Variants in SLC5A4 observed in about 807,000 individuals in gnomAD.
The protein encoded by SLC5A4 is solute carrier family 5 member 4, also known as probable glucose sensor protein SLC5A4.
Under a neutral mutation model 70.3 loss-of-function variants are expected in SLC5A4, and 55 were observed. The ratio of observed to expected loss-of-function variants is 0.78; its 90% CI spans 0.63 to 0.98. SLC5A4 has a LOEUF of 0.98. SLC5A4 is among the 50% of genes least tolerant of loss of function. The pLI, the probability that SLC5A4 is intolerant of heterozygous loss-of-function variation, is 0.00. For missense variants in SLC5A4, 735 were observed against 839.2 expected, an observed-to-expected ratio of 0.88 and a Z score of 1.53; for synonymous variants, 268 against 305.7, an observed-to-expected ratio of 0.88 and a Z score of 1.29.
chr22:32,307,839 A>G, the SLC5A4 span, among the ~76,000 whole-genome samples: 2 of 152,332 alleles, frequency 1.3e-5, no homozygotes, highest in South Asian at 4.1e-4. Flanking sequence ...GCATGGCCTG[A>G]CTGTCCCAAT....
At chr22:32,267,025 C>G in the SLC5A4 span, among the ~76,000 whole-genome samples, 1 of 152,166 alleles carries the variant, frequency 6.6e-6, no homozygotes, top group Non-Finnish European at 1.5e-5. Context: ...TGATCAAAAA[C>G]AATTTGAAAT....
At chr22:32,323,619 G>A in the SLC5A4 span, among the ~76,000 whole-genome samples, 1 of 152,254 alleles carries the variant, frequency 6.6e-6, no homozygotes, top group African/African-American at 2.4e-5. Flanking sequence ...AACAGAGGGA[G>A]CCCAGGGGCT....
Position 32,224,210 on chromosome 22 carries a change from G to A in SLC5A4, c.1665+57C>T, listed in dbSNP as rs1342010759. ...GCTGGGATTACAGGCGTGAGCCACT[G>A]CGCCCGGCCAAGAACTCTTATTTAA... On this transcript the variant is annotated intron_variant, in intron 13 of 14. Coordinates refer to ENST00000266086, the MANE Select transcript of SLC5A4 (RefSeq NM_014227.3). The A allele has an allele frequency of 3.6e-6, 5 of 1,388,768 alleles. No individual in the cohort carries two copies. In the African/African-American group the frequency reaches 4.3e-5, roughly 12 times the overall value. 86.0% of individuals were successfully genotyped at this position (1,388,768 alleles called of 1,614,324 possible).
At chr22:32,304,431 C>T in the SLC5A4 span, among the ~76,000 whole-genome samples, 3 of 134,200 alleles carry the variant, frequency 2.2e-5, no homozygotes, top group Non-Finnish European at 4.9e-5. Context: ...CGTGAGCTAC[C>T]ATGCCCAGCT....
At chr22:32,291,317 A>G in the SLC5A4 span, among the ~76,000 whole-genome samples, 1 of 151,414 alleles carries the variant, frequency 6.6e-6, no homozygotes, top group Non-Finnish European at 1.5e-5. Context: ...CTGGGATTAC[A>G]GGCGTGCGCC....
the SLC5A4 span, among the ~76,000 whole-genome samples, chr22:32,318,466 T>TA: frequency 6.6e-6 from 1 of 152,172 alleles, no homozygotes; most frequent in Non-Finnish European, 1.5e-5. Context: ...CCTCAGGAAA[T>TA]ACAACTCCAT....
At chr22:32,276,951 T>C in the SLC5A4 span, 2 of 152,324 alleles carry the variant, frequency 1.3e-5, no homozygotes, top group African/African-American at 4.8e-5. Context: ...TCTTAAGTTA[T>C]AATTATGCTT....
At chr22:32,223,857 T>C (rs1455997575) in intron 13 of SLC5A4, among the ~76,000 whole-genome samples, 1 of 152,248 alleles carries the variant, frequency 6.6e-6, no homozygotes, top group Non-Finnish European at 1.5e-5. Context: ...TTAGGGTTCT[T>C]CTAGCTCTAG....
At chr22:32,320,548 A>G in the SLC5A4 span, among the ~76,000 whole-genome samples, 1 of 152,206 alleles carries the variant, frequency 6.6e-6, no homozygotes, top group Non-Finnish European at 1.5e-5. Flanking sequence ...AGCTGTCCTC[A>G]GCCACCTCCC....
the SLC5A4 span, among the ~76,000 whole-genome samples, chr22:32,330,767 T>TGA: frequency 1.1e-5 from 1 of 93,098 alleles, no homozygotes; most frequent in Non-Finnish European, 2.1e-5. Context: ...CTCTGGTGTA[T>TGA]GTGTTGGGGG....
At chr22:32,249,353 G>C (rs1049877384) in intron 3 of SLC5A4, among the ~76,000 whole-genome samples, 2 of 152,142 alleles carry the variant, frequency 1.3e-5, no homozygotes, top group African/African-American at 4.8e-5. Flanking sequence ...GATTAAGGGG[G>C]CCCAAGGTCA....
At chr22:32,306,401 G>C in the SLC5A4 span, among the ~76,000 whole-genome samples, 1 of 151,118 alleles carries the variant, frequency 6.6e-6, no homozygotes, top group Non-Finnish European at 1.5e-5. Flanking sequence ...GGGAGGCGGA[G>C]CTTGCAGTGA....
Position 32,229,345 on chromosome 22 carries a change from C to T in SLC5A4, c.1130-1G>A. 6.2e-7 allele frequency: 1 copy of T among 1,614,012 alleles called. No homozygotes were observed. Among genetic ancestry groups the T allele is most frequent in the East Asian group, 2.2e-5 (1 of 44,884 alleles). The stretch of plus-strand genomic sequence containing the variant: ...ACCGAAAGCATCAGGCCTCGCAGTC[C>T]TGGAGCCGGGAAAGGGTACAAGCAC... On this transcript the variant is annotated splice_acceptor_variant, in intron 10 of 14. Coordinates refer to ENST00000266086, the MANE Select transcript of SLC5A4 (RefSeq NM_014227.3). LOFTEE classifies it high-confidence loss of function.
At chr22:32,295,014 A>G in the SLC5A4 span, among the ~76,000 whole-genome samples, 1 of 93,524 alleles carries the variant, frequency 1.1e-5, no homozygotes, top group South Asian at 3.7e-4. Flanking sequence ...TTATGGCTGC[A>G]TAGTATTCCA....
chr22:32,255,192 T>G lies in SLC5A4; in HGVS notation c.135+3A>C, dbSNP rs765000187. 2.5e-6 allele frequency: 4 copies of G among 1,613,374 alleles called. No homozygotes were observed. In the Admixed American group the frequency reaches 6.7e-5, roughly 27 times the overall value. On this transcript the variant is annotated splice_donor_region_variant and intron_variant, in intron 1 of 14. Coordinates refer to ENST00000266086, the MANE Select transcript of SLC5A4 (RefSeq NM_014227.3). Reference sequence around the variant, plus strand: ...CCCTAAAAGCCACTGGGATTCCACCTACCCACAGCCCAACAGCCATCACCA... The same window carrying G: ...CCCTAAAAGCCACTGGGATTCCACCGACCCACAGCCCAACAGCCATCACCA...
At chr22:32,270,218 A>T in the SLC5A4 span, 1 of 678,364 alleles carries the variant, frequency 1.5e-6, no homozygotes, top group Non-Finnish European at 2.8e-6. Context: ...AGCATCCTTA[A>T]CATTGGACCC....
At chr22:32,334,372 A>G in the SLC5A4 span, among the ~76,000 whole-genome samples, 1 of 152,042 alleles carries the variant, frequency 6.6e-6, no homozygotes, top group Non-Finnish European at 1.5e-5. Flanking sequence ...CTCTTGGTTC[A>G]GACCCTCGAG....
At chr22:32,317,789 TAGTG>T in the SLC5A4 span, among the ~76,000 whole-genome samples, 1 of 152,140 alleles carries the variant, frequency 6.6e-6, no homozygotes, top group Non-Finnish European at 1.5e-5. Context: ...CTTTGAAAAA[TAGTG>T]AGACATGTTC....
chr22:32,297,923 T>C, the SLC5A4 span, among the ~76,000 whole-genome samples: 281 of 102,584 alleles, frequency 2.7e-3, 7 homozygotes, highest in South Asian at 9.9e-3. Context: ...CCAGTAGTCA[T>C]TCAGGAGCAG....
Sources: gnomAD v4.1 joint callset for allele counts (sites outside exome capture counted in the v4.1 genomes callset) on GRCh38, gnomAD v4.1.1 for gene constraint, MANE v1.5 for transcripts, NCBI Gene and HGNC (gene_info 2026-07-23, HGNC 2026-07-21) for gene names.